FAM149A: variants seen among roughly 807,000 people sequenced by gnomAD.
The protein encoded by FAM149A is protein FAM149A.
In FAM149A, 71 loss-of-function variants were observed where a neutral mutation model predicts 78.2. The observed-to-expected ratio is 0.91, with a 90% CI of 0.75 to 1.11. FAM149A has a LOEUF of 1.11. Among genes scored for constraint, FAM149A ranks in the 50% least tolerant of loss-of-function variants. FAM149A has a pLI of 0.00. For synonymous variants in FAM149A, 446 were observed against 410.5 expected (o/e 1.09, Z -1.04); for missense variants, 1,036 against 971.0 (o/e 1.07, Z -0.89).
chr4:186,105,014 G>T lies in FAM149A; in HGVS notation c.-63G>T. 8.0e-7 allele frequency: 1 copy of T among 1,246,704 alleles called. No individual in the cohort carries two copies. Among genetic ancestry groups the T allele is most frequent in the Non-Finnish European group, 1.0e-6 (1 of 970,282 alleles). 77.2% of individuals were successfully genotyped at this position (1,246,704 alleles called of 1,614,324 possible). On this transcript the variant is annotated 5_prime_UTR_variant, in exon 1 of 14. Transcript: ENST00000389354. ...TCCTCGCCCCGGCCCGGGCCGCCTC[G>T]GCCGGATCTCCGCGGTCTGAACTCT... is the stretch of plus-strand genomic sequence containing the variant.
intron 2 of FAM149A, 43 bp downstream of exon 2, chr4:186,149,326 C>G (rs1484642380): frequency 1.6e-6 from 2 of 1,268,536 alleles, no homozygotes; most frequent in African/African-American, 1.5e-5. Context: ...CACAAAATGC[C>G]CGTAACAAAT....
Position 186,124,419 on chromosome 4 carries a change from C to G in FAM149A, c.566+18777C>G, listed in dbSNP as rs1263021745. Reference sequence around the variant, plus strand: ...TAATGCTATCCCTCCCCGCTCCCCCCCACCCCACAACAGGCCCCGGTGTGT... The same window carrying G: ...TAATGCTATCCCTCCCCGCTCCCCCGCACCCCACAACAGGCCCCGGTGTGT... On this transcript the variant is annotated intron_variant, in intron 1 of 13. Coordinates refer to ENST00000389354, the MANE Select transcript of FAM149A (RefSeq NM_001367768.3). Among the ~76,000 whole-genome samples, 4 of 151,664 alleles carry G rather than the reference C, an allele frequency of 2.6e-5. No individual in the cohort carries two copies. The East Asian group carries it at 5.9e-4, about 22-fold the overall frequency.
At chr4:186,150,673 C>T (rs1733488075) in intron 3 of FAM149A, among the ~76,000 whole-genome samples, 5 of 148,398 alleles carry the variant, frequency 3.4e-5, no homozygotes, top group Admixed American at 3.4e-4. Flanking sequence ...CCCGTCTCGG[C>T]CTCCCAAAGT....
intron 3 of FAM149A, among the ~76,000 whole-genome samples, chr4:186,150,571 C>T (rs1317557354): frequency 7.9e-5 from 5 of 63,528 alleles, no homozygotes; most frequent in East Asian, 8.7e-4. Flanking sequence ...AGGCGCCCAC[C>T]ACCACGCCCG....
chr4:186,132,276 GTGAAATCAA>G (rs2099321057), intron 1 of FAM149A: 1 of 926,840 alleles, frequency 1.1e-6, no homozygotes, highest in African/African-American at 1.8e-5. Flanking sequence ...AAAAATCTCA[GTGAAATCAA>G]TGAAATTGAT....
intron 7 of FAM149A, among the ~76,000 whole-genome samples, chr4:186,156,676 A>G (rs1040193447): frequency 6.6e-6 from 1 of 151,774 alleles, no homozygotes; most frequent in Non-Finnish European, 1.5e-5. Flanking sequence ...GTAAAACTCC[A>G]TCTCAAAAAA....
intron 13 of FAM149A, chr4:186,171,389 G>A (rs1735513869): frequency 6.6e-6 from 1 of 152,388 alleles, no homozygotes; most frequent in African/African-American, 2.4e-5. Context: ...GGATCTTCCT[G>A]TCTTTCTGAG....
intron 8 of FAM149A, among the ~76,000 whole-genome samples, chr4:186,159,205 C>T (rs1379453454): frequency 2.6e-5 from 4 of 151,536 alleles, no homozygotes; most frequent in African/African-American, 7.3e-5. Context: ...ATACAAAAGC[C>T]GTGACACAGG....
chr4:186,154,091 A>T (rs1006833097), intron 5 of FAM149A, among the ~76,000 whole-genome samples: 1 of 152,162 alleles, frequency 6.6e-6, no homozygotes, highest in Non-Finnish European at 1.5e-5. Context: ...ACTGTGATGG[A>T]TTATAAGCCT....
intron 1 of FAM149A, chr4:186,127,400 CA>C: frequency 1.0e-6 from 1 of 985,378 alleles, no homozygotes; most frequent in African/African-American, 1.7e-5. Context: ...ATGCTTTTGA[CA>C]AAAGGCTTTG....
At chr4:186,159,391 G>A (rs1243265941) in intron 8 of FAM149A, among the ~76,000 whole-genome samples, 1 of 152,078 alleles carries the variant, frequency 6.6e-6, no homozygotes, top group African/African-American at 2.4e-5. Flanking sequence ...GAGAACTCTG[G>A]GTGGGCCATT....
At chr4:186,106,049 G>A (rs898674662) in intron 1 of FAM149A, among the ~76,000 whole-genome samples, 1 of 152,192 alleles carries the variant, frequency 6.6e-6, no homozygotes, top group Non-Finnish European at 1.5e-5. Flanking sequence ...TTAAGAAGTG[G>A]TGAGACCTGG....
rs1003348939 is a variant in FAM149A at position 186,164,438 on chromosome 4, C to T, written c.1889+805C>T. On this transcript the variant is annotated intron_variant, in intron 10 of 13. Coordinates refer to ENST00000389354, the MANE Select transcript of FAM149A (RefSeq NM_001367768.3). The surrounding 1 kb of genome is among the most constrained non-coding windows in gnomAD (Gnocchi z 4.0). ...CTGCAGGGGAGCTGTTATCAGGAGCCGAGCTCAGGAGCGGGCGGCTGCCAA... is the reference window on the plus strand; with the variant it reads ...CTGCAGGGGAGCTGTTATCAGGAGCTGAGCTCAGGAGCGGGCGGCTGCCAA... 5.1e-6 allele frequency: 5 copies of T among 985,118 alleles called. No individual in the cohort carries two copies. The highest frequency in any genetic ancestry group is 3.5e-5 in the African/African-American group (2 of 57,206). 61.0% of individuals were successfully genotyped at this position (985,118 alleles called of 1,614,324 possible).
At chr4:186,146,806 G>A (rs141956360) in intron 1 of FAM149A, 22 of 985,364 alleles carry the variant, frequency 2.2e-5, no homozygotes, top group South Asian at 1.9e-4. Context: ...GTCAGGTCAC[G>A]ATGTAATCCT....
intron 1 of FAM149A, among the ~76,000 whole-genome samples, chr4:186,135,928 CAT>C (rs1467326488): frequency 1.3e-5 from 2 of 152,184 alleles, no homozygotes; most frequent in Admixed American, 6.5e-5. Context: ...TTGTTCTGCA[CAT>C]GTGCGGAGGG....
At chr4:186,150,626 A>G (rs112252971) in intron 3 of FAM149A, among the ~76,000 whole-genome samples, 2,987 of 138,398 alleles carry the variant, frequency 0.022, 110 homozygotes, top group African/African-American at 0.065. Flanking sequence ...TCACCGTGTT[A>G]GCCAGGATGG....
chr4:186,117,120 A>G (rs1286445415), intron 1 of FAM149A, among the ~76,000 whole-genome samples: 1 of 152,078 alleles, frequency 6.6e-6, no homozygotes, highest in Non-Finnish European at 1.5e-5. Flanking sequence ...GAGATCATCT[A>G]TACAAACTTG....
intron 8 of FAM149A, among the ~76,000 whole-genome samples, chr4:186,162,558 G>A (rs988546545): frequency 2.6e-5 from 4 of 152,136 alleles, no homozygotes; most frequent in East Asian, 1.9e-4. Flanking sequence ...TTCCTACCCC[G>A]TGCAGCTACC....
At position 186,144,776 on chromosome 4, in the gene FAM149A, G is replaced by A. The variant is rs1732858705; in HGVS notation, c.567-4397G>A. ...AGCGGGGATGGGCGGGCGCAGCCGG[G>A]ATTAGCTGGCGGGCGAGGGCGCAGC... is the stretch of plus-strand genomic sequence containing the variant. On this transcript the variant is annotated intron_variant, in intron 1 of 13. Transcript: ENST00000389354. The surrounding 1 kb of genome is among the most constrained non-coding windows in gnomAD (Gnocchi z 4.2). The A allele has an allele frequency of 2.1e-6, 2 of 971,686 alleles. No individual in the cohort carries two copies. Among genetic ancestry groups the A allele is most frequent in the African/African-American group, 1.8e-5 (1 of 56,878 alleles). The allele number at this position is 971,686 out of a possible 1,614,324, so 60.2% of individuals were successfully genotyped here. A position where few individuals can be genotyped will look rare whatever the true frequency, so the allele number is the denominator to read the frequency against.
Sources: allele counts gnomAD v4.1 joint callset (sites outside exome capture counted in the v4.1 genomes callset), GRCh38; gene constraint gnomAD v4.1.1; non-coding constraint Gnocchi (gnomAD v3.1); transcripts MANE v1.5; gene names NCBI Gene and HGNC (gene_info 2026-07-23, HGNC 2026-07-21).